Variants in PCDHA1 observed in about 807,000 individuals in gnomAD.
The protein encoded by PCDHA1 is protocadherin alpha 1, also known as protocadherin alpha-1.
Under a neutral mutation model 61.3 loss-of-function variants are expected in PCDHA1, and 42 were observed. That is an observed-to-expected ratio of 0.69 (90% CI 0.54 to 0.89). The LOEUF (loss-of-function observed/expected upper bound fraction) is 0.89. Ranked by LOEUF, PCDHA1 falls within the 40% of genes least tolerant of loss-of-function variation. The pLI is 0.00. For synonymous variants in PCDHA1, 610 were observed against 553.8 expected, an observed-to-expected ratio of 1.10 and a Z score of -1.43; for missense variants, 1,256 against 1,235.3, an observed-to-expected ratio of 1.02 and a Z score of -0.25.
chr5:140,889,983 T>C (rs1347862441), intron 1 of PCDHA1, among the ~76,000 whole-genome samples: 1 of 152,208 alleles, frequency 6.6e-6, no homozygotes, highest in Non-Finnish European at 1.5e-5. Flanking sequence ...TCTCCAGTTG[T>C]CTTAGCTTTC....
intron 1 of PCDHA1, chr5:140,928,535 G>A (rs1554205968): frequency 2.5e-6 from 4 of 1,614,224 alleles, no homozygotes; most frequent in East Asian, 2.2e-5. Context: ...GTGGTAGATA[G>A]GAATGACAAT....
intron 1 of PCDHA1, among the ~76,000 whole-genome samples, chr5:140,896,089 G>A (rs13174119): frequency 0.32 from 48,051 of 152,038 alleles, 7,939 homozygotes; most frequent in East Asian, 0.53. Flanking sequence ...GGGATTACAG[G>A]CGTGAGCCAC....
rs2150126265 is a variant in PCDHA1 at position 140,823,483 on chromosome 5, G to A, written c.2394+34799G>A. ...GCCGGCGCTGCTGGTGCCTCGAGTG[G>A]GTGGCACCGGCGGCGCAGTGAGCGA... On this transcript the variant is annotated intron_variant, in intron 1 of 3. Coordinates refer to ENST00000504120, the MANE Select transcript of PCDHA1 (RefSeq NM_018900.4). 3 of 1,613,434 alleles carry A rather than the reference G, an allele frequency of 1.9e-6. No individual in the cohort carries two copies. The South Asian group carries it at 3.3e-5, about 18-fold the overall frequency.
At chr5:140,871,024 T>A (rs782482530) in intron 1 of PCDHA1, 2 of 1,613,076 alleles carry the variant, frequency 1.2e-6, no homozygotes, top group African/African-American at 1.3e-5. Flanking sequence ...CGAGGCAGAC[T>A]CGCCGCGCCA....
Position 140,843,333 on chromosome 5 carries a change from A to G in PCDHA1, c.2394+54649A>G, listed in dbSNP as rs2150357637. 2.5e-6 allele frequency: 4 copies of G among 1,596,000 alleles called. No homozygotes were observed. The Admixed American group carries it at 5.1e-5, about 20-fold the overall frequency. ...GCCACGGTTCTGGTGTCGCTGGTGG[A>G]GAGCGGCCAGGCTCCAAAAGCGTCA... On this transcript the variant is annotated intron_variant, in intron 1 of 3. Transcript: ENST00000504120.
intron 1 of PCDHA1, chr5:140,801,157 G>A: frequency 1.3e-6 from 2 of 1,535,110 alleles, no homozygotes; most frequent in Non-Finnish European, 8.7e-7. Flanking sequence ...TTAAACTTTG[G>A]ATCAATGTAA....
rs541261946 is a variant in PCDHA1, at chr5:140,926,749, G to T, written c.2395-52200G>T. ...GGCGTTCGGGAGGCGCAACGTCGGC[G>T]GTCGCTGAGTATCCAGCCCGCAGCA... On this transcript the variant is annotated intron_variant, in intron 1 of 3. Coordinates refer to ENST00000504120, the MANE Select transcript of PCDHA1 (RefSeq NM_018900.4). 7.3e-6 allele frequency: 9 copies of T among 1,237,260 alleles called. No homozygotes were observed. In the East Asian group the frequency reaches 2.0e-4, roughly 28 times the overall value. The allele number at this position is 1,237,260 out of a possible 1,614,324, so 76.6% of individuals were successfully genotyped here.
At chr5:140,886,507 G>A (rs2061007189) in intron 1 of PCDHA1, among the ~76,000 whole-genome samples, 1 of 151,788 alleles carries the variant, frequency 6.6e-6, no homozygotes, top group South Asian at 2.1e-4. Context: ...TCCTTTTATG[G>A]ATTTTAAGGT....
chr5:140,875,261 G>T, intron 1 of PCDHA1: 1 of 1,130,462 alleles, frequency 8.8e-7, no homozygotes, highest in East Asian at 2.7e-5. Flanking sequence ...ACATGATGTC[G>T]CTCTACACTC....
At chr5:140,885,119 TTTTC>T (rs1425065169) in intron 1 of PCDHA1, among the ~76,000 whole-genome samples, 2 of 152,334 alleles carry the variant, frequency 1.3e-5, no homozygotes, top group East Asian at 3.9e-4. Context: ...TTAAGTGCAC[TTTTC>T]TTTCTTTCTT....
At chr5:140,834,038 C>T (rs1580771063) in intron 1 of PCDHA1, among the ~76,000 whole-genome samples, 1 of 152,160 alleles carries the variant, frequency 6.6e-6, no homozygotes, top group Admixed American at 6.6e-5. Context: ...CCATCAGTCG[C>T]CTAAGAATGC....
intron 1 of PCDHA1, chr5:140,848,444 C>A: frequency 6.7e-7 from 1 of 1,498,894 alleles, no homozygotes; most frequent in Non-Finnish European, 9.1e-7. Flanking sequence ...CAGATGATTT[C>A]TTCTAATTTG....
intron 1 of PCDHA1, among the ~76,000 whole-genome samples, chr5:140,949,684 C>T (rs116815984): frequency 0.023 from 3,563 of 151,738 alleles, 50 homozygotes; most frequent in Middle Eastern, 0.051. Context: ...CTTGTTGAAG[C>T]GTATTGTTGG....
At chr5:140,793,714 C>T (rs1036626757) in intron 1 of PCDHA1, among the ~76,000 whole-genome samples, 1 of 151,900 alleles carries the variant, frequency 6.6e-6, no homozygotes, top group Non-Finnish European at 1.5e-5. Flanking sequence ...CATTTTTTTA[C>T]TGTGAAGGGA....
At chr5:140,867,350 T>C (rs1357404505) in intron 1 of PCDHA1, 1 of 152,128 alleles carries the variant, frequency 6.6e-6, no homozygotes, top group African/African-American at 2.4e-5. Flanking sequence ...GCTACTATGA[T>C]TGATTATTTT....
At chr5:140,812,188 A>T (rs1284856498) in intron 1 of PCDHA1, 17 of 132,336 alleles carry the variant, frequency 1.3e-4, no homozygotes, top group African/African-American at 5.1e-4. Flanking sequence ...TACTGATTCA[A>T]TCTCCTTACT....
chr5:140,875,340 C>A, intron 1 of PCDHA1: 1 of 1,442,242 alleles, frequency 6.9e-7, no homozygotes, highest in Non-Finnish European at 9.1e-7. Flanking sequence ...AGGATCGACT[C>A]CATAATGACT....
chr5:140,828,328 G>C (rs2150154136), intron 1 of PCDHA1: 2 of 1,614,228 alleles, frequency 1.2e-6, no homozygotes, highest in Admixed American at 3.3e-5. Flanking sequence ...AGGTAAATCT[G>C]CAGAATGGCA....
intron 1 of PCDHA1, among the ~76,000 whole-genome samples, chr5:140,970,929 G>A (rs537614286): frequency 1.4e-4 from 22 of 152,192 alleles, no homozygotes; most frequent in Non-Finnish European, 2.9e-4. Flanking sequence ...AGTGCCTGGT[G>A]TTAGTCAATG....
Sources: allele counts gnomAD v4.1 joint callset (sites outside exome capture counted in the v4.1 genomes callset), GRCh38; gene constraint gnomAD v4.1.1; transcripts MANE v1.5; gene names NCBI Gene and HGNC (gene_info 2026-07-23, HGNC 2026-07-21).